PTPRJ: variants seen among roughly 807,000 people sequenced by gnomAD.
PTPRJ encodes the protein receptor-type tyrosine-protein phosphatase eta.
A neutral mutation model predicts 141.3 loss-of-function variants in PTPRJ; 129 were observed. The ratio of observed to expected loss-of-function variants is 0.91; its 90% CI spans 0.79 to 1.06. The LOEUF is 1.06. Ranked by LOEUF, PTPRJ falls within the 50% of genes least tolerant of loss-of-function variation. PTPRJ has a pLI of 0.00. For synonymous variants in PTPRJ, 610 were observed against 640.5 expected (o/e 0.95, Z 0.72); for missense variants, 1,601 against 1,679.7 (o/e 0.95, Z 0.82).
chr11:48,169,436 G>A lies in PTPRJ; in HGVS notation c.*2074G>A, dbSNP rs1858002992. 1 of 152,134 alleles carries A rather than the reference G, an allele frequency of 6.6e-6. No individual in the cohort carries two copies. The highest frequency in any genetic ancestry group is 1.5e-5 in the Non-Finnish European group (1 of 68,054). 9.4% of individuals were successfully genotyped at this position (152,134 alleles called of 1,614,324 possible). A position where few individuals can be genotyped will look rare whatever the true frequency, so the allele number is the denominator to read the frequency against. On this transcript the variant is annotated 3_prime_UTR_variant, in exon 25 of 25. Coordinates refer to ENST00000418331, the MANE Select transcript of PTPRJ (RefSeq NM_002843.4). ...TCAGGGAAGCCACATTGTCCTCAGG[G>A]TGCTGTATGAAGCTGGGTGTGGGCG...
At chr11:48,106,763 CTTTTTTTTT>C (rs35643138) in intron 1 of PTPRJ, among the ~76,000 whole-genome samples, 1 of 86,452 alleles carries the variant, frequency 1.2e-5, no homozygotes, top group Non-Finnish European at 2.3e-5. Context: ...TTCTTTCTTT[CTTTTTTTTT>C]TTTTTTTTTT....
Position 48,121,168 on chromosome 11 carries a change from T to C in PTPRJ, c.518T>C (p.Ile173Thr). 2 of 1,614,188 alleles carry C rather than the reference T, an allele frequency of 1.2e-6. No homozygotes were observed. Among genetic ancestry groups the C allele is most frequent in the South Asian group, 2.2e-5 (2 of 91,090 alleles). Residue 173 changes from isoleucine to threonine, a missense_variant, in exon 4 of 25, where the codon ATC (isoleucine) becomes ACC (threonine). Transcript: ENST00000418331. ...GTTGTGCATCAACCATGGTGTAACA[T>C]CACAGGCTTACGTCCAGCGACTTCA... ...ITVVHQPWCN[I>T]TGLRPATSYV...
At chr11:48,070,642 C>T (rs1855222728) in intron 1 of PTPRJ, among the ~76,000 whole-genome samples, 1 of 152,164 alleles carries the variant, frequency 6.6e-6, no homozygotes, top group East Asian at 1.9e-4. Flanking sequence ...ATTTCACTAC[C>T]TGAATCCCCT....
At chr11:48,149,215 T>C (rs1857420243) in intron 15 of PTPRJ, among the ~76,000 whole-genome samples, 1 of 152,262 alleles carries the variant, frequency 6.6e-6, no homozygotes, top group African/African-American at 2.4e-5. Flanking sequence ...ATTTTTTTCA[T>C]TCTTTTAGAT....
intron 1 of PTPRJ, among the ~76,000 whole-genome samples, chr11:48,065,740 C>T (rs1391249516): frequency 6.6e-6 from 1 of 152,100 alleles, no homozygotes; most frequent in Non-Finnish European, 1.5e-5. Flanking sequence ...ACTAACCCAC[C>T]CCAACCATCC....
intron 4 of PTPRJ, among the ~76,000 whole-genome samples, chr11:48,121,779 A>G (rs1207137419): frequency 6.6e-6 from 1 of 152,196 alleles, no homozygotes; most frequent in African/African-American, 2.4e-5. Context: ...GAAGCCATCT[A>G]TTATAGCTGC....
intron 1 of PTPRJ, among the ~76,000 whole-genome samples, chr11:48,014,086 G>C (rs1021803773): frequency 6.6e-6 from 1 of 152,140 alleles, no homozygotes; most frequent in Admixed American, 6.5e-5. Context: ...GTGATGGAGG[G>C]TATTGGCGTG....
intron 1 of PTPRJ, among the ~76,000 whole-genome samples, chr11:47,996,885 A>G (rs1164896119): frequency 1.3e-5 from 2 of 152,236 alleles, no homozygotes; most frequent in African/African-American, 2.4e-5. Context: ...GTTGTGAGGT[A>G]AGACTCAGAC....
intron 1 of PTPRJ, among the ~76,000 whole-genome samples, chr11:47,996,567 A>T (rs1854342749): frequency 6.6e-6 from 1 of 152,166 alleles, no homozygotes; most frequent in Non-Finnish European, 1.5e-5. Flanking sequence ...AAGTGAGGGA[A>T]GGCATGTAAG....
chr11:48,011,301 T>C (rs1590402221), intron 1 of PTPRJ, among the ~76,000 whole-genome samples: 1 of 152,170 alleles, frequency 6.6e-6, no homozygotes, highest in East Asian at 1.9e-4. Flanking sequence ...ACAAGGCCTC[T>C]TGTGTTGTGC....
intron 1 of PTPRJ, among the ~76,000 whole-genome samples, chr11:48,067,375 A>C (rs959437070): frequency 6.6e-6 from 1 of 152,154 alleles, no homozygotes; most frequent in African/African-American, 2.4e-5. Context: ...ACTTGCTTGC[A>C]CTTTCAAAGT....
At chr11:48,102,309 G>C (rs962650701) in intron 1 of PTPRJ, among the ~76,000 whole-genome samples, 4 of 152,204 alleles carry the variant, frequency 2.6e-5, no homozygotes, top group African/African-American at 9.7e-5. Context: ...CGGGAAGCGA[G>C]GCTGACACTC....
At chr11:48,074,194 G>C (rs966994143) in intron 1 of PTPRJ, among the ~76,000 whole-genome samples, 1 of 151,870 alleles carries the variant, frequency 6.6e-6, no homozygotes, top group Admixed American at 6.6e-5. Context: ...TGCTCAGGCT[G>C]TAATTTTTAA....
At chr11:48,056,568 A>G (rs1439813603) in intron 1 of PTPRJ, among the ~76,000 whole-genome samples, 3 of 152,206 alleles carry the variant, frequency 2.0e-5, no homozygotes, top group Admixed American at 1.3e-4. Flanking sequence ...TACCTCAGCT[A>G]TTCTTCCAAG....
intron 1 of PTPRJ, among the ~76,000 whole-genome samples, chr11:47,984,250 C>T (rs1242678949): frequency 1.3e-5 from 2 of 152,162 alleles, no homozygotes; most frequent in Non-Finnish European, 2.9e-5. Context: ...GGTTATTTAG[C>T]TCCTAAAAGT....
In PTPRJ at chr11:48,156,074, T is replaced by C; in HGVS notation, c.3393T>C (p.Asn1131=). The change falls in exon 21 of 25, where the codon AAT becomes AAC. Residue 1131 remains asparagine, a synonymous_variant. Coordinates refer to ENST00000418331, the MANE Select transcript of PTPRJ (RefSeq NM_002843.4). ...TTTGGCGTATGGTTTGGGAGAAAAATGTATATGCCATCATTATGTTGACTA... is the reference window on the plus strand; with the variant it reads ...TTTGGCGTATGGTTTGGGAGAAAAACGTATATGCCATCATTATGTTGACTA... ...KDFWRMVWEK[N]VYAIIMLTKC... is the part of the protein sequence containing the mutation. 7.5e-6 allele frequency: 12 copies of C among 1,599,362 alleles called. No homozygotes were observed. Among genetic ancestry groups the C allele is most frequent in the Non-Finnish European group, 1.0e-5 (12 of 1,166,568 alleles).
chr11:47,984,211 T>C (rs1273310392), intron 1 of PTPRJ, among the ~76,000 whole-genome samples: 5 of 152,144 alleles, frequency 3.3e-5, no homozygotes, highest in Admixed American at 2.0e-4. Flanking sequence ...GATCCTGGCT[T>C]CCAAATGAGC....
intron 1 of PTPRJ, among the ~76,000 whole-genome samples, chr11:47,998,175 G>T (rs997690077): frequency 6.6e-6 from 1 of 151,484 alleles, no homozygotes; most frequent in Non-Finnish European, 1.5e-5. Context: ...ACATCCACTG[G>T]ACTGTCATAT....
chr11:48,121,331 T>C, intron 4 of PTPRJ, 65 bp downstream of exon 4: 4 of 1,526,148 alleles, frequency 2.6e-6, no homozygotes, highest in Non-Finnish European at 3.6e-6. Flanking sequence ...TCTAGGGCCT[T>C]GTCCGTTCAA....
Sources: gnomAD v4.1 joint callset for allele counts (sites outside exome capture counted in the v4.1 genomes callset) on GRCh38, gnomAD v4.1.1 for gene constraint, MANE v1.5 for transcripts, NCBI Gene and HGNC (gene_info 2026-07-23, HGNC 2026-07-21) for gene names.